DENND11: variants seen among roughly 807,000 people sequenced by gnomAD.
DENND11 encodes DENN domain-containing protein 11.
DENND11 carries 34 observed loss-of-function variants against 49.2 expected under a neutral mutation model. The ratio of observed to expected loss-of-function variants is 0.69; its 90% CI spans 0.53 to 0.92. The LOEUF is 0.92. DENND11 is among the 40% of genes least tolerant of loss of function. DENND11 has a pLI of 0.00. For synonymous variants in DENND11, 238 were observed against 230.3 expected (o/e 1.03, Z -0.30); for missense variants, 475 against 581.6 (o/e 0.82, Z 1.88).
At chr7:141,666,188 G>A (rs1797891141) in intron 5 of DENND11, 99 bp downstream of exon 5, 3 of 1,327,410 alleles carry the variant, frequency 2.3e-6, no homozygotes, top group Non-Finnish European at 3.1e-6. Context: ...TCCCCTGGAT[G>A]TGGCCCAAGC....
At chr7:141,669,953 G>A (rs1302566019) in intron 4 of DENND11, among the ~76,000 whole-genome samples, 26 of 151,116 alleles carry the variant, frequency 1.7e-4, no homozygotes, top group African/African-American at 5.8e-4. Context: ...TGGGACTACA[G>A]GCGCCCGCCA....
At chr7:141,669,161 C>T (rs1450441915) in intron 4 of DENND11, among the ~76,000 whole-genome samples, 2 of 152,142 alleles carry the variant, frequency 1.3e-5, no homozygotes, top group Non-Finnish European at 2.9e-5. Context: ...CTTCCTCTTC[C>T]CTCTGCTTCC....
chr7:141,673,698 G>C lies in DENND11; in HGVS notation c.681+369C>G, dbSNP rs770555376. ...AGTACTTCAGGAACAAATACAGAAC[G>C]AAGTAACATCAGAAGTGTCTTAACT... On this transcript the variant is annotated intron_variant, in intron 4 of 8. Coordinates refer to ENST00000536163, the MANE Select transcript of DENND11 (RefSeq NM_001080392.2). Among the ~76,000 whole-genome samples the C allele has an allele frequency of 4.6e-5, 7 of 152,186 alleles. No individual in the cohort carries two copies. In the East Asian group the frequency reaches 1.3e-3, roughly 29 times the overall value.
At chr7:141,685,903 G>A (rs2117072852) in intron 2 of DENND11, among the ~76,000 whole-genome samples, 1 of 152,246 alleles carries the variant, frequency 6.6e-6, no homozygotes, top group East Asian at 1.9e-4. Flanking sequence ...CTTCTCTCCT[G>A]CACCACGACT....
intron 4 of DENND11, 86 bp downstream of exon 4, chr7:141,673,981 A>C: frequency 1.4e-6 from 2 of 1,454,082 alleles, no homozygotes; most frequent in Non-Finnish European, 1.9e-6. Flanking sequence ...AAAGACATAA[A>C]TTTTTTATTC....
At position 141,666,297 on chromosome 7, in the gene DENND11, C is replaced by T. The variant is rs118168905; in HGVS notation, c.810G>A (p.Val270=). 323 of 1,611,612 alleles carry T rather than the reference C, an allele frequency of 2.0e-4. 1 individual carries two copies. The East Asian group carries it at 5.3e-3, about 26-fold the overall frequency. ...LIFSPPPVGV[V]CYRVYCCCCL... is the part of the protein sequence containing the mutation. ...CTGGCTTCTGGTTACCTCTATAGCACACCACGCCCACAGGTGGGGGAGAAA... is the reference window on the plus strand; with the variant it reads ...CTGGCTTCTGGTTACCTCTATAGCATACCACGCCCACAGGTGGGGGAGAAA... The change falls in exon 5 of 9, where the codon GTG becomes GTA. Residue 270 remains valine (V), a synonymous_variant. Coordinates refer to ENST00000536163, the MANE Select transcript of DENND11 (RefSeq NM_001080392.2).
intron 1 of DENND11, among the ~76,000 whole-genome samples, chr7:141,700,188 C>T (rs56352423): frequency 0.16 from 24,098 of 152,170 alleles, 2,401 homozygotes; most frequent in East Asian, 0.23. Context: ...TGTGAATGTG[C>T]CCTTTCTATT....
intron 1 of DENND11, 185 bp downstream of exon 1, chr7:141,701,701 G>A (rs958126714): frequency 1.3e-4 from 50 of 382,346 alleles, no homozygotes; most frequent in Non-Finnish European, 2.0e-4. Context: ...GCTGCGCCCC[G>A]AGGGAGAGAG....
At chr7:141,662,925 G>A in intron 8 of DENND11, 74 bp from the exon 9 acceptor site, 2 of 1,141,602 alleles carry the variant, frequency 1.8e-6, no homozygotes, top group African/African-American at 1.6e-5. Context: ...CCACATATGG[G>A]GAACCAAAAC....
chr7:141,658,647 T>C lies in DENND11; in HGVS notation c.*4009A>G, dbSNP rs1312738326. The C allele has an allele frequency of 6.6e-6, 1 of 152,246 alleles. No individual in the cohort carries two copies. Among genetic ancestry groups the C allele is most frequent in the African/African-American group, 2.4e-5 (1 of 41,424 alleles). The allele number at this position is 152,246 out of a possible 1,614,324, so 9.4% of individuals were successfully genotyped here. ...CTGCCAAGCTGAGCATTATCCTATT[T>C]TATTCATCCACCTGCCCCTCCTCCT... On this transcript the variant is annotated 3_prime_UTR_variant, in exon 9 of 9. Transcript: ENST00000536163.
At chr7:141,669,601 G>A (rs941139045) in intron 4 of DENND11, among the ~76,000 whole-genome samples, 1 of 151,772 alleles carries the variant, frequency 6.6e-6, no homozygotes, top group African/African-American at 2.4e-5. Context: ...AATTATATAC[G>A]TATGATTTTT....
chr7:141,665,444 TTC>T, intron 5 of DENND11, 126 bp from the exon 6 acceptor site: 1 of 1,331,546 alleles, frequency 7.5e-7, no homozygotes. Context: ...GGTCCTGGCG[TTC>T]TGAGGAGACT....
At chr7:141,700,853 A>C in intron 1 of DENND11, among the ~76,000 whole-genome samples, 1 of 150,166 alleles carries the variant, frequency 6.7e-6, no homozygotes, top group African/African-American at 2.5e-5. Flanking sequence ...TTTTTTCTCC[A>C]CTCCATCCCA....
intron 5 of DENND11, 40 bp downstream of exon 5, chr7:141,666,246 CA>C: frequency 6.5e-7 from 1 of 1,541,438 alleles, no homozygotes. Flanking sequence ...GTTTCTGCTC[CA>C]GGGATTTAAG....
chr7:141,667,793 C>T (rs1262913601), intron 4 of DENND11, among the ~76,000 whole-genome samples: 3 of 152,188 alleles, frequency 2.0e-5, no homozygotes, highest in African/African-American at 7.2e-5. Flanking sequence ...GTCTGCACTA[C>T]CCGGAGAGGA....
At chr7:141,681,609 C>T (rs575097409) in intron 3 of DENND11, among the ~76,000 whole-genome samples, 43 of 152,126 alleles carry the variant, frequency 2.8e-4, no homozygotes, top group African/African-American at 1.0e-3. Context: ...AAACAATGAC[C>T]CAAAGAAGAT....
Position 141,686,613 on chromosome 7 carries a change from C to T in DENND11, c.314G>A (p.Gly105Asp), listed in dbSNP as rs368512164. 11 of 1,613,280 alleles carry T rather than the reference C, an allele frequency of 6.8e-6. No individual in the cohort carries two copies. In the African/African-American group the frequency reaches 1.5e-4, roughly 22 times the overall value. ...ACTGGCCATAGACTTGAACTCAACA[C>T]CTTCAAGGTCAATATCTTGAGGTAA... is the stretch of plus-strand genomic sequence containing the variant. ...WCLPQDIDLE[G>D]VEFKSMASGS... is the part of the protein sequence containing the mutation. The change falls in exon 2 of 9, where the codon GGT (glycine) becomes GAT (aspartate). Residue 105 changes from glycine (G) to aspartate (D), a missense_variant. Coordinates refer to ENST00000536163, the MANE Select transcript of DENND11 (RefSeq NM_001080392.2).
At chr7:141,685,029 A>AAATATATAT (rs1305276426) in intron 3 of DENND11, among the ~76,000 whole-genome samples, 10 of 91,542 alleles carry the variant, frequency 1.1e-4, no homozygotes, top group South Asian at 3.6e-4. Context: ...AAAAAAAAAA[A>AAATATATAT]ATATATATAT....
At chr7:141,692,370 C>G (rs1261943934) in intron 1 of DENND11, among the ~76,000 whole-genome samples, 1 of 152,156 alleles carries the variant, frequency 6.6e-6, no homozygotes, top group Admixed American at 6.5e-5. Flanking sequence ...GAACAATGCA[C>G]CCAACTTCGA....
Sources: gnomAD v4.1 joint callset for allele counts (sites outside exome capture counted in the v4.1 genomes callset) on GRCh38, gnomAD v4.1.1 for gene constraint, MANE v1.5 for transcripts, NCBI Gene and HGNC (gene_info 2026-07-23, HGNC 2026-07-21) for gene names.